The following SAMD5 variants were observed in gnomAD, a reference collection of about 807,000 sequenced individuals.
SAMD5 encodes the protein sterile alpha motif domain containing 5, also known as sterile alpha motif domain-containing protein 5.
In SAMD5, 13 loss-of-function variants were observed where a neutral mutation model predicts 11.3. The ratio of observed to expected loss-of-function variants is 1.15; its 90% CI spans 0.75 to 1.83. The LOEUF (loss-of-function observed/expected upper bound fraction) is 1.83, where lower values mean the gene tolerates loss of function less well. Among genes scored for constraint, SAMD5 ranks in the 40% most tolerant of loss-of-function variants. The pLI is 0.00. For synonymous variants in SAMD5, 129 were observed against 111.3 expected (o/e 1.16, Z -1.00); for missense variants, 255 against 239.1 (o/e 1.07, Z -0.44).
intron 1 of SAMD5, chr6:147,692,255 A>G (rs753682848): frequency 6.6e-6 from 1 of 152,188 alleles, no homozygotes; most frequent in Non-Finnish European, 1.5e-5. Context: ...CAACTCTTAC[A>G]GTAAGTACCT....
At chr6:147,885,031 A>T in the SAMD5 span, among the ~76,000 whole-genome samples, 2 of 151,534 alleles carry the variant, frequency 1.3e-5, no homozygotes, top group African/African-American at 2.4e-5. Flanking sequence ...ATAGCCTTTT[A>T]AAAAAAGTTT....
chr6:147,676,253 T>C (rs1790861402), intron 1 of SAMD5: 1 of 152,026 alleles, frequency 6.6e-6, no homozygotes, highest in Non-Finnish European at 1.5e-5. Context: ...GTGAGAAGTC[T>C]CTCACCTCAC....
chr6:147,719,730 G>C (rs117397369), intron 1 of SAMD5, among the ~76,000 whole-genome samples: 4,731 of 152,190 alleles, frequency 0.031, 111 homozygotes, highest in Non-Finnish European at 0.049. Flanking sequence ...GGAGGATCTG[G>C]GAAATTATCT....
chr6:147,913,764 A>G, the SAMD5 span, among the ~76,000 whole-genome samples: 1 of 152,362 alleles, frequency 6.6e-6, no homozygotes, highest in African/African-American at 2.4e-5. Context: ...ATGGACTTGA[A>G]TTAGATGTAT....
chr6:147,629,320 T>TA (rs1790105392), intron 1 of SAMD5, among the ~76,000 whole-genome samples: 1 of 117,792 alleles, frequency 8.5e-6, no homozygotes, highest in African/African-American at 2.7e-5. Context: ...CAAAAAATAA[T>TA]AATAAAAAAA....
intron 1 of SAMD5, among the ~76,000 whole-genome samples, chr6:147,669,838 A>G (rs1249042240): frequency 6.6e-6 from 1 of 152,078 alleles, no homozygotes; most frequent in Non-Finnish European, 1.5e-5. Context: ...ATTGGAATCA[A>G]TTTCTTCCAA....
the SAMD5 span, among the ~76,000 whole-genome samples, chr6:147,766,693 A>T: frequency 6.6e-6 from 1 of 152,346 alleles, no homozygotes; most frequent in African/African-American, 2.4e-5. Context: ...GAATAAACCA[A>T]GAAAGATACA....
At chr6:147,687,621 T>G (rs1216867393) in intron 1 of SAMD5, among the ~76,000 whole-genome samples, 2 of 152,144 alleles carry the variant, frequency 1.3e-5, no homozygotes, top group African/African-American at 4.8e-5. Flanking sequence ...AATGCAGACT[T>G]CTGGTCAAGT....
At chr6:147,519,949 C>T (rs9689689) in intron 1 of SAMD5, among the ~76,000 whole-genome samples, 13,570 of 152,172 alleles carry the variant, frequency 0.089, 685 homozygotes, top group African/African-American at 0.13. Flanking sequence ...CTTATTCTTA[C>T]AACTGAAGTG....
chr6:147,703,765 T>A (rs1323690309), intron 1 of SAMD5, among the ~76,000 whole-genome samples: 1 of 152,150 alleles, frequency 6.6e-6, no homozygotes, highest in Non-Finnish European at 1.5e-5. Context: ...GTCTTTATCA[T>A]GATGAGGTTG....
At chr6:147,766,049 A>G in the SAMD5 span, among the ~76,000 whole-genome samples, 2 of 152,026 alleles carry the variant, frequency 1.3e-5, no homozygotes, top group East Asian at 3.9e-4. Flanking sequence ...ATCTCTAAAA[A>G]AGAAACAGAG....
chr6:147,906,221 TG>T, the SAMD5 span, among the ~76,000 whole-genome samples: 1 of 152,214 alleles, frequency 6.6e-6, no homozygotes, highest in Non-Finnish European at 1.5e-5. Context: ...CTATTTTGAT[TG>T]CCTTTTTCTT....
chr6:147,635,541 A>G (rs182672606), intron 1 of SAMD5, among the ~76,000 whole-genome samples: 43 of 152,248 alleles, frequency 2.8e-4, no homozygotes, highest in Admixed American at 2.8e-3. Context: ...CTTCATGCTG[A>G]TTTCATTTTT....
the SAMD5 span, among the ~76,000 whole-genome samples, chr6:147,920,862 C>A: frequency 6.6e-6 from 1 of 152,116 alleles, no homozygotes; most frequent in Admixed American, 6.5e-5. Flanking sequence ...TAGATAATGA[C>A]ATAAAATAGG....
chr6:147,781,461 C>T, the SAMD5 span, among the ~76,000 whole-genome samples: 1 of 151,962 alleles, frequency 6.6e-6, no homozygotes, highest in Non-Finnish European at 1.5e-5. Context: ...CATTTGAAAC[C>T]CATTTGAAAG....
the SAMD5 span, among the ~76,000 whole-genome samples, chr6:147,912,683 A>G: frequency 6.6e-6 from 1 of 152,204 alleles, no homozygotes; most frequent in Admixed American, 6.5e-5. Context: ...GTCCAAGCAT[A>G]GAGAGTGATT....
At chr6:147,643,077 T>G (rs935499235) in intron 1 of SAMD5, among the ~76,000 whole-genome samples, 2 of 152,244 alleles carry the variant, frequency 1.3e-5, no homozygotes, top group Admixed American at 1.3e-4. Context: ...ATACTTCAGC[T>G]GCTTTACATC....
chr6:147,929,935 C>A, the SAMD5 span, among the ~76,000 whole-genome samples: 280 of 152,254 alleles, frequency 1.8e-3, 3 homozygotes, highest in East Asian at 0.011. Flanking sequence ...ATGTCTGGTA[C>A]AGCATTTAAA....
the SAMD5 span, among the ~76,000 whole-genome samples, chr6:147,914,351 C>T: frequency 6.6e-6 from 1 of 152,026 alleles, no homozygotes; most frequent in Non-Finnish European, 1.5e-5. Flanking sequence ...ACAACGACAA[C>T]AACAAGATAA....
Sources: gnomAD v4.1 joint callset for allele counts (sites outside exome capture counted in the v4.1 genomes callset) on GRCh38, gnomAD v4.1.1 for gene constraint, MANE v1.5 for transcripts, NCBI Gene and HGNC (gene_info 2026-07-23, HGNC 2026-07-21) for gene names.